Variants in BNIP3L observed in about 807,000 individuals in gnomAD.
The protein encoded by BNIP3L is BCL2 interacting protein 3 like.
BNIP3L carries 10 observed loss-of-function variants against 25.5 expected under a neutral mutation model. The observed-to-expected ratio is 0.39, with a 90% CI of 0.24 to 0.67. BNIP3L has a LOEUF of 0.67. Among genes scored for constraint, BNIP3L ranks in the 30% least tolerant of loss-of-function variants. The probability of loss-of-function intolerance (pLI) is 0.45; values close to 1 mark genes in which losing one functional copy is unlikely to be tolerated. For missense variants in BNIP3L, 215 were observed against 270.9 expected, an observed-to-expected ratio of 0.79 and a Z score of 1.45; for synonymous variants, 113 against 101.2, an observed-to-expected ratio of 1.12 and a Z score of -0.70.
intron 1 of BNIP3L, among the ~76,000 whole-genome samples, chr8:26,387,796 T>C (rs752391018): frequency 3.3e-5 from 5 of 152,216 alleles, no homozygotes; most frequent in Admixed American, 6.5e-5. Context: ...ATACCTATTG[T>C]CAAATTATTC....
intron 1 of BNIP3L, among the ~76,000 whole-genome samples, chr8:26,383,824 G>A (rs1585427934): frequency 6.6e-6 from 1 of 152,306 alleles, no homozygotes; most frequent in Admixed American, 6.5e-5. Flanking sequence ...CACGTGTGGG[G>A]TGAGAGGCTG....
chr8:26,390,369 C>T, intron 1 of BNIP3L: 3 of 985,372 alleles, frequency 3.0e-6, no homozygotes, highest in Non-Finnish European at 3.6e-6. Context: ...TCTGTGGCTC[C>T]ACCCCTTCAA....
At chr8:26,387,576 A>C (rs1321041407) in intron 1 of BNIP3L, among the ~76,000 whole-genome samples, 1 of 152,202 alleles carries the variant, frequency 6.6e-6, no homozygotes, top group Non-Finnish European at 1.5e-5. Flanking sequence ...TAAATCAGGA[A>C]CAAATCGGGT....
intron 2 of BNIP3L, among the ~76,000 whole-genome samples, chr8:26,391,653 C>T (rs774301352): frequency 6.6e-6 from 1 of 152,060 alleles, no homozygotes; most frequent in African/African-American, 2.4e-5. Context: ...TTTTTCTTAC[C>T]CAGATTATAT....
chr8:26,410,037 A>G (rs1361386710), intron 5 of BNIP3L, among the ~76,000 whole-genome samples: 1 of 152,134 alleles, frequency 6.6e-6, no homozygotes, highest in Non-Finnish European at 1.5e-5. Flanking sequence ...TGTCCACCAA[A>G]GAGGAACATC....
intron 3 of BNIP3L, among the ~76,000 whole-genome samples, chr8:26,403,129 T>C (rs953056701): frequency 3.3e-5 from 5 of 152,196 alleles, no homozygotes; most frequent in African/African-American, 4.8e-5. Context: ...AGGTACTTAC[T>C]TTATGTTGAC....
chr8:26,408,148 G>T (rs770467255), intron 4 of BNIP3L, 45 bp downstream of exon 4: 1 of 1,611,552 alleles, frequency 6.2e-7, no homozygotes, highest in African/African-American at 1.3e-5. Flanking sequence ...GTTGATCTGC[G>T]CACGCTTACA....
At chr8:26,386,270 C>T (rs1398816360) in intron 1 of BNIP3L, among the ~76,000 whole-genome samples, 2 of 151,972 alleles carry the variant, frequency 1.3e-5, no homozygotes, top group Admixed American at 6.6e-5. Context: ...AGGATGTTGT[C>T]CAGTTTGTTT....
In BNIP3L at chr8:26,383,057, C is replaced by G. The variant is rs890790247; in HGVS notation, c.-74C>G. ...CAGGCGCAGAAAAGGGGGCGGCGGA[C>G]TCGGCTTGTTGTGTTGCTGCCTGAG... On this transcript the variant is annotated 5_prime_UTR_variant, in exon 1 of 6. Transcript: ENST00000380629. The G allele has an allele frequency of 5.7e-6, 8 of 1,408,746 alleles. No homozygotes were observed. The African/African-American group carries it at 5.7e-5, about 10-fold the overall frequency. 87.3% of individuals were successfully genotyped at this position (1,408,746 alleles called of 1,614,324 possible). A position where few individuals can be genotyped will look rare whatever the true frequency, so the allele number is the denominator to read the frequency against.
chr8:26,406,701 A>C (rs1310838048), intron 3 of BNIP3L, among the ~76,000 whole-genome samples: 1 of 151,984 alleles, frequency 6.6e-6, no homozygotes, highest in Non-Finnish European at 1.5e-5. Context: ...ACACACCTGT[A>C]GTCCCAGCTA....
intron 1 of BNIP3L, among the ~76,000 whole-genome samples, chr8:26,384,058 T>C (rs907750932): frequency 1.3e-5 from 2 of 152,170 alleles, no homozygotes; most frequent in African/African-American, 4.8e-5. Flanking sequence ...ACGAGGCTGA[T>C]AGACAACCCA....
chr8:26,383,212 C>G lies in BNIP3L; in HGVS notation c.82C>G (p.Pro28Ala), dbSNP rs763982570. 16 of 1,611,124 alleles carry G rather than the reference C, an allele frequency of 9.9e-6. No homozygotes were observed. The East Asian group carries it at 3.6e-4, about 36-fold the overall frequency. ...NCEENEQSLP[P>A]PAGLNSSWVE... The stretch of plus-strand genomic sequence containing the variant: ...CGAGGAAAATGAGCAGTCTCTGCCC[C>G]CGCCGGCCGGCCTCAACAGTGAGTG... The change falls in exon 1 of 6, where the codon CCG (proline) becomes GCG (alanine). Residue 28 changes from proline (P) to alanine (A), a missense_variant. Transcript: ENST00000380629.
intron 3 of BNIP3L, among the ~76,000 whole-genome samples, chr8:26,405,128 A>G (rs748663964): frequency 1.3e-5 from 2 of 152,148 alleles, no homozygotes; most frequent in African/African-American, 4.8e-5. Flanking sequence ...TTCCATCCTC[A>G]TGAAAAAAAA....
chr8:26,401,599 G>C (rs1352517654), intron 3 of BNIP3L, among the ~76,000 whole-genome samples: 1 of 144,470 alleles, frequency 6.9e-6, no homozygotes, highest in Non-Finnish European at 1.5e-5. Context: ...ACCAGTGGAG[G>C]TACAAAATAA....
intron 1 of BNIP3L, chr8:26,390,343 T>C: frequency 1.0e-6 from 1 of 984,568 alleles, no homozygotes. Context: ...GAATTACCAG[T>C]GGCACATCCC....
At chr8:26,388,607 G>A (rs1806040320) in intron 1 of BNIP3L, among the ~76,000 whole-genome samples, 1 of 152,104 alleles carries the variant, frequency 6.6e-6, no homozygotes, top group Admixed American at 6.5e-5. Flanking sequence ...GTATATATTG[G>A]ATTATGATTG....
chr8:26,410,506 C>CTTG lies in BNIP3L; in HGVS notation c.*94_*95insTTG, dbSNP rs1806598546. On this transcript the variant is annotated 3_prime_UTR_variant, in exon 6 of 6. Coordinates refer to ENST00000380629, the MANE Select transcript of BNIP3L (RefSeq NM_004331.3). ...AACTTGAGACCATTGTAAGCATGACCCAACCTACCACCCTGTTTTTACATA... is the reference window on the plus strand; with the variant it reads ...AACTTGAGACCATTGTAAGCATGACCTTGCAACCTACCACCCTGTTTTTACATA... 7.2e-7 allele frequency: 1 copy of CTTG among 1,383,184 alleles called. No homozygotes were observed. The highest frequency in any genetic ancestry group is 1.2e-5 in the South Asian group (1 of 85,408). The allele number at this position is 1,383,184 out of a possible 1,614,324, so 85.7% of individuals were successfully genotyped here.
Position 26,408,299 on chromosome 8 carries a change from G to T in BNIP3L, c.534G>T (p.Gly178=). 10 of 1,614,064 alleles carry T rather than the reference G, an allele frequency of 6.2e-6. No individual in the cohort carries two copies. Among genetic ancestry groups the T allele is most frequent in the Non-Finnish European group, 8.5e-6 (10 of 1,179,930 alleles). Residue 178 remains glycine, a synonymous_variant, in exon 5 of 6, where the codon GGG becomes GGT. Transcript: ENST00000380629. ...SMRKSGAMKK[G]GIFSAEFLKV... is the part of the protein sequence containing the mutation. The stretch of plus-strand genomic sequence containing the variant: ...GGAAAAGTGGAGCCATGAAGAAAGG[G>T]GGTATTTTCTCCGCAGAATTTCTGA...
intron 1 of BNIP3L, among the ~76,000 whole-genome samples, chr8:26,388,009 G>A (rs1189740426): frequency 1.3e-5 from 2 of 152,192 alleles, no homozygotes; most frequent in African/African-American, 4.8e-5. Context: ...TACAGAATAT[G>A]TCAGTATGTG....
Sources: allele counts gnomAD v4.1 joint callset (sites outside exome capture counted in the v4.1 genomes callset), GRCh38; gene constraint gnomAD v4.1.1; transcripts MANE v1.5; gene names NCBI Gene and HGNC (gene_info 2026-07-23, HGNC 2026-07-21).